RBMS3: variants seen among roughly 807,000 people sequenced by gnomAD.
RBMS3 encodes RNA binding motif single stranded interacting protein 3, also known as RNA-binding motif, single-stranded-interacting protein 3.
In RBMS3, 27 loss-of-function variants were observed where a neutral mutation model predicts 66.8. The observed-to-expected ratio is 0.40, with a 90% CI of 0.30 to 0.56. The LOEUF (loss-of-function observed/expected upper bound fraction) is 0.56. Ranked by LOEUF, RBMS3 falls within the 20% of genes least tolerant of loss-of-function variation. RBMS3 has a pLI of 0.40. For synonymous variants in RBMS3, 188 were observed against 183.0 expected (o/e 1.03, Z -0.22); for missense variants, 513 against 549.5 (o/e 0.93, Z 0.66).
intron 3 of RBMS3, among the ~76,000 whole-genome samples, chr3:29,557,807 A>G (rs542626295): frequency 6.6e-5 from 10 of 152,356 alleles, no homozygotes; most frequent in African/African-American, 2.2e-4. Context: ...ATAGTACCCT[A>G]TGAAAGCCAT....
At chr3:29,576,405 A>G (rs1275971494) in intron 3 of RBMS3, among the ~76,000 whole-genome samples, 1 of 152,140 alleles carries the variant, frequency 6.6e-6, no homozygotes, top group Non-Finnish European at 1.5e-5. Flanking sequence ...TGTGGCTGCC[A>G]TCAATGTGAC....
chr3:29,842,550 T>A (rs952210198), intron 6 of RBMS3, among the ~76,000 whole-genome samples: 4 of 152,174 alleles, frequency 2.6e-5, no homozygotes, highest in African/African-American at 9.6e-5. Context: ...AAGTCTTCTG[T>A]CTTTTTGCCT....
At chr3:29,638,605 C>T (rs1172080920) in intron 4 of RBMS3, among the ~76,000 whole-genome samples, 3 of 151,948 alleles carry the variant, frequency 2.0e-5, no homozygotes, top group Middle Eastern at 3.4e-3. Context: ...GTACAATTCG[C>T]AATTCTTGCC....
At chr3:29,335,681 CG>C (rs2035904471) in intron 1 of RBMS3, among the ~76,000 whole-genome samples, 1 of 152,158 alleles carries the variant, frequency 6.6e-6, no homozygotes, top group Non-Finnish European at 1.5e-5. Flanking sequence ...GCGTCTGTCA[CG>C]TCTGAAGTGT....
rs771045401 is a variant in RBMS3 at position 29,936,140 on chromosome 3, A to G, written c.994A>G (p.Met332Val). 12 of 1,613,278 alleles carry G rather than the reference A, an allele frequency of 7.4e-6. No homozygotes were observed. Among genetic ancestry groups the G allele is most frequent in the East Asian group, 6.7e-5 (3 of 44,860 alleles). Reference sequence around the variant, plus strand: ...TCCCATGTCAATGCAGCCAGCCAACATGATGGGCCCACTGACACAGCAGAT... The same window carrying G: ...TCCCATGTCAATGCAGCCAGCCAACGTGATGGGCCCACTGACACAGCAGAT... ...DHPMSMQPAN[M>V]MGPLTQQMNH... is the part of the protein sequence containing the mutation. The change falls in exon 11 of 15, where the codon ATG (methionine) becomes GTG (valine). Residue 332 changes from methionine (M) to valine (V), a missense_variant. By Grantham distance (21) the Met-to-Val change is conservative. Coordinates refer to ENST00000383767, the MANE Select transcript of RBMS3 (RefSeq NM_001003793.3).
At chr3:29,726,638 C>T (rs1176457829) in intron 4 of RBMS3, among the ~76,000 whole-genome samples, 1 of 152,056 alleles carries the variant, frequency 6.6e-6, no homozygotes, top group Non-Finnish European at 1.5e-5. Context: ...CCTAGGAATA[C>T]AACTTACAAG....
intron 4 of RBMS3, among the ~76,000 whole-genome samples, chr3:29,694,864 A>ATTTT (rs1559577408): frequency 0.016 from 2,201 of 135,772 alleles, 57 homozygotes; most frequent in African/African-American, 0.064. Context: ...TTTTTTTTAA[A>ATTTT]AAAAAAATAC....
intron 1 of RBMS3, among the ~76,000 whole-genome samples, chr3:29,424,816 T>A (rs758682029): frequency 3.2e-4 from 49 of 152,182 alleles, no homozygotes; most frequent in Non-Finnish European, 6.3e-4. Context: ...GATTGGTTAA[T>A]ATGGAAACTA....
intron 1 of RBMS3, among the ~76,000 whole-genome samples, chr3:29,307,077 T>C (rs2034062848): frequency 6.6e-6 from 1 of 151,904 alleles, no homozygotes; most frequent in South Asian, 2.1e-4. Flanking sequence ...TTATTGACCT[T>C]GTTTAAAATT....
At chr3:29,545,488 A>T (rs982289812) in intron 3 of RBMS3, among the ~76,000 whole-genome samples, 2 of 152,178 alleles carry the variant, frequency 1.3e-5, no homozygotes, top group Admixed American at 1.3e-4. Context: ...TAGCCCTCTA[A>T]ATAATCTTAC....
chr3:29,472,280 C>T (rs2042756494), intron 2 of RBMS3, among the ~76,000 whole-genome samples: 2 of 151,698 alleles, frequency 1.3e-5, no homozygotes, highest in African/African-American at 4.9e-5. Flanking sequence ...TCACTGCAAC[C>T]TCCACTTCCC....
At chr3:29,661,917 A>T (rs2050569127) in intron 4 of RBMS3, among the ~76,000 whole-genome samples, 1 of 152,190 alleles carries the variant, frequency 6.6e-6, no homozygotes, top group South Asian at 2.1e-4. Context: ...AACCCAGAGC[A>T]CTCACCTGAT....
At chr3:29,371,620 A>G (rs79531236) in intron 1 of RBMS3, among the ~76,000 whole-genome samples, 3,981 of 152,328 alleles carry the variant, frequency 0.026, 73 homozygotes, top group East Asian at 0.057. Flanking sequence ...ATATGAGAAC[A>G]TGTATGTGTC....
chr3:29,634,288 T>C (rs2049392698), intron 4 of RBMS3, among the ~76,000 whole-genome samples: 1 of 151,940 alleles, frequency 6.6e-6, no homozygotes, highest in Admixed American at 6.6e-5. Flanking sequence ...TTGTCTGTGT[T>C]AATATGGACA....
intron 4 of RBMS3, among the ~76,000 whole-genome samples, chr3:29,725,053 G>C (rs2053800605): frequency 6.6e-6 from 1 of 152,138 alleles, no homozygotes; most frequent in Non-Finnish European, 1.5e-5. Context: ...ATTTAGTAAT[G>C]TGCCCAAGTC....
intron 1 of RBMS3, among the ~76,000 whole-genome samples, chr3:29,375,713 C>A (rs554773800): frequency 1.3e-5 from 2 of 152,138 alleles, no homozygotes; most frequent in East Asian, 1.9e-4. Flanking sequence ...CAGATTCTGG[C>A]AAGGTTATGG....
chr3:29,373,846 G>C (rs1011989589), intron 1 of RBMS3, among the ~76,000 whole-genome samples: 2 of 152,178 alleles, frequency 1.3e-5, no homozygotes, highest in Non-Finnish European at 2.9e-5. Flanking sequence ...AGCTTTTTTA[G>C]TATTAAAGAT....
chr3:29,641,615 T>A (rs928527435), intron 4 of RBMS3, among the ~76,000 whole-genome samples: 3 of 152,116 alleles, frequency 2.0e-5, no homozygotes, highest in Non-Finnish European at 4.4e-5. Context: ...GACTTTTAAT[T>A]TTTTAGCTTA....
At chr3:29,384,889 A>T (rs1487441765) in intron 1 of RBMS3, among the ~76,000 whole-genome samples, 1 of 152,220 alleles carries the variant, frequency 6.6e-6, no homozygotes, top group African/African-American at 2.4e-5. Flanking sequence ...TTAAATGAAA[A>T]AGTATTAACA....
Sources: gnomAD v4.1 joint callset for allele counts (sites outside exome capture counted in the v4.1 genomes callset) on GRCh38, gnomAD v4.1.1 for gene constraint, MANE v1.5 for transcripts, NCBI Gene and HGNC (gene_info 2026-07-23, HGNC 2026-07-21) for gene names.